CDK19: variants seen among roughly 807,000 people sequenced by gnomAD.
CDK19 encodes cyclin-dependent kinase 19.
Under a neutral mutation model 68.3 loss-of-function variants are expected in CDK19, and 20 were observed. The observed-to-expected ratio is 0.29, with a 90% CI of 0.21 to 0.43. The LOEUF (loss-of-function observed/expected upper bound fraction) is 0.43. Among genes scored for constraint, CDK19 ranks in the 20% least tolerant of loss-of-function variants. CDK19 has a pLI of 1.00. For missense variants in CDK19, 339 were observed against 623.5 expected (o/e 0.54, Z 4.86); for synonymous variants, 221 against 222.8 (o/e 0.99, Z 0.07).
At position 110,670,496 on chromosome 6, in the gene CDK19, C is replaced by G; in HGVS notation, c.250G>C (p.Val84Leu). 1 of 1,613,556 alleles carries G rather than the reference C, an allele frequency of 6.2e-7. No homozygotes were observed. Among genetic ancestry groups the G allele is most frequent in the Non-Finnish European group, 8.5e-7 (1 of 1,179,482 alleles). The change falls in exon 3 of 13, where the codon GTG becomes CTG. Residue 84 changes from valine (V) to leucine (L), a missense_variant. Coordinates refer to ENST00000368911, the MANE Select transcript of CDK19 (RefSeq NM_015076.5). ...TTCCTGTCACTGTGAGAAAGGAACA[C>G]CTTCTGCAATGCAATCACATTAGGG... ...KHPNVIALQK[V>L]FLSHSDRKVW... is the part of the protein sequence containing the mutation.
At chr6:110,669,877 G>A (rs938667816) in intron 3 of CDK19, among the ~76,000 whole-genome samples, 28 of 151,932 alleles carry the variant, frequency 1.8e-4, no homozygotes, top group Admixed American at 1.0e-3. Flanking sequence ...ATAGTCTCCC[G>A]CCAGGCATGG....
chr6:110,761,680 G>A (rs964998628), intron 1 of CDK19, among the ~76,000 whole-genome samples: 2 of 152,102 alleles, frequency 1.3e-5, no homozygotes, highest in Non-Finnish European at 2.9e-5. Context: ...GAGACTAGGA[G>A]AAAAGAATCC....
intron 2 of CDK19, among the ~76,000 whole-genome samples, chr6:110,734,182 G>A (rs149960388): frequency 6.6e-4 from 100 of 152,066 alleles, no homozygotes; most frequent in African/African-American, 1.9e-3. Flanking sequence ...GCTAATTTTT[G>A]TATTTTTAGT....
intron 4 of CDK19, among the ~76,000 whole-genome samples, chr6:110,658,134 G>A (rs1342403887): frequency 6.6e-6 from 1 of 152,214 alleles, no homozygotes; most frequent in Non-Finnish European, 1.5e-5. Context: ...CAAGGCCTGT[G>A]TAGAGGCAGC....
At chr6:110,790,060 A>G (rs927652667) in intron 1 of CDK19, among the ~76,000 whole-genome samples, 9 of 152,218 alleles carry the variant, frequency 5.9e-5, no homozygotes, top group Non-Finnish European at 1.2e-4. Flanking sequence ...TGTACTCAGC[A>G]CCAATATATC....
intron 4 of CDK19, among the ~76,000 whole-genome samples, chr6:110,651,674 T>C (rs1285807515): frequency 6.6e-6 from 1 of 152,230 alleles, no homozygotes; most frequent in African/African-American, 2.4e-5. Flanking sequence ...TTTCATGCTT[T>C]GTCTGGTTTT....
intron 1 of CDK19, among the ~76,000 whole-genome samples, chr6:110,767,913 T>C (rs1779707016): frequency 6.6e-6 from 1 of 152,136 alleles, no homozygotes; most frequent in Non-Finnish European, 1.5e-5. Context: ...AGCCATTGAC[T>C]GGGAGAAAAT....
intron 1 of CDK19, among the ~76,000 whole-genome samples, chr6:110,812,369 G>T (rs923947999): frequency 2.6e-5 from 4 of 152,050 alleles, no homozygotes; most frequent in Non-Finnish European, 5.9e-5. Flanking sequence ...TGATCCACCC[G>T]CCTCGGCCTC....
intron 2 of CDK19, among the ~76,000 whole-genome samples, chr6:110,741,911 T>C (rs1777706751): frequency 6.6e-6 from 1 of 152,052 alleles, no homozygotes; most frequent in Admixed American, 6.6e-5. Flanking sequence ...ATACCTGATA[T>C]ACAAAAAAAT....
intron 4 of CDK19, among the ~76,000 whole-genome samples, chr6:110,653,877 C>T (rs751438907): frequency 6.6e-6 from 1 of 152,082 alleles, no homozygotes; most frequent in Non-Finnish European, 1.5e-5. Context: ...AGTTAATTGG[C>T]ACATTATGAG....
intron 1 of CDK19, among the ~76,000 whole-genome samples, chr6:110,807,731 GATTATA>G: frequency 6.6e-6 from 1 of 152,182 alleles, no homozygotes; most frequent in South Asian, 2.1e-4. Flanking sequence ...AAAGAGCTGG[GATTATA>G]GGCATAAGCC....
At chr6:110,762,636 C>T (rs974574312) in intron 1 of CDK19, among the ~76,000 whole-genome samples, 4 of 152,144 alleles carry the variant, frequency 2.6e-5, no homozygotes, top group African/African-American at 7.2e-5. Context: ...ACGTAAAGCA[C>T]CTAGCACAGT....
chr6:110,712,435 C>A (rs1396065429), intron 2 of CDK19, among the ~76,000 whole-genome samples: 1 of 152,192 alleles, frequency 6.6e-6, no homozygotes. Flanking sequence ...GATAAAGATA[C>A]TGAATCAGCA....
chr6:110,713,474 G>T (rs1451428675), intron 2 of CDK19, among the ~76,000 whole-genome samples: 4 of 23,522 alleles, frequency 1.7e-4, no homozygotes, highest in African/African-American at 2.6e-4. Flanking sequence ...TGATCCTCTT[G>T]TCTCAAAAAA....
rs745590182 is a variant in CDK19, at chr6:110,667,591, A to G, written c.316-17T>C. 8.3e-6 allele frequency: 11 copies of G among 1,326,458 alleles called. No individual in the cohort carries two copies. The highest frequency in any genetic ancestry group is 1.1e-5 in the Non-Finnish European group (11 of 960,146). The allele number at this position is 1,326,458 out of a possible 1,614,324, so 82.2% of individuals were successfully genotyped here. A position where few individuals can be genotyped will look rare whatever the true frequency, so the allele number is the denominator to read the frequency against. ...AATAATATGCTAAAAATTAAAAAAA[A>G]ACATAATAATATAGTCTTTGCTAAT... On this transcript the variant is annotated splice_polypyrimidine_tract_variant and intron_variant, in intron 3 of 12. Transcript: ENST00000368911.
chr6:110,793,929 C>T (rs1781759459), intron 1 of CDK19, among the ~76,000 whole-genome samples: 1 of 152,238 alleles, frequency 6.6e-6, no homozygotes, highest in South Asian at 2.1e-4. Flanking sequence ...CTGGACCTTT[C>T]ATTACAAGAG....
chr6:110,736,370 TC>T (rs1164816715), intron 2 of CDK19, among the ~76,000 whole-genome samples: 3 of 152,098 alleles, frequency 2.0e-5, no homozygotes, highest in African/African-American at 7.2e-5. Context: ...AATCTTCATC[TC>T]TATTGCTACC....
At chr6:110,689,733 C>G (rs1772809542) in intron 2 of CDK19, among the ~76,000 whole-genome samples, 1 of 152,216 alleles carries the variant, frequency 6.6e-6, no homozygotes, top group Admixed American at 6.5e-5. Flanking sequence ...AGACTTGGTG[C>G]TGGTACCCAC....
intron 2 of CDK19, among the ~76,000 whole-genome samples, chr6:110,745,121 G>T (rs1374866910): frequency 2.0e-5 from 3 of 152,180 alleles, no homozygotes; most frequent in African/African-American, 7.2e-5. Flanking sequence ...CTTTACTGAA[G>T]AACTAAAATA....
Sources: allele counts gnomAD v4.1 joint callset (sites outside exome capture counted in the v4.1 genomes callset), GRCh38; gene constraint gnomAD v4.1.1; transcripts MANE v1.5; gene names NCBI Gene and HGNC (gene_info 2026-07-23, HGNC 2026-07-21).